The following STK3 variants were observed in gnomAD, a reference collection of about 807,000 sequenced individuals.
STK3 encodes serine/threonine kinase 3.
Under a neutral mutation model 58.0 loss-of-function variants are expected in STK3, and 41 were observed. The observed-to-expected ratio is 0.71, with a 90% CI of 0.55 to 0.92. The LOEUF is 0.92. STK3 is among the 40% of genes least tolerant of loss of function. The pLI, the probability that STK3 is intolerant of heterozygous loss-of-function variation, is 0.00. For synonymous variants in STK3, 170 were observed against 191.0 expected (o/e 0.89, Z 0.91); for missense variants, 479 against 602.7 (o/e 0.79, Z 2.15).
intron 1 of STK3, chr8:98,905,397 T>C (rs745584467): frequency 8.0e-5 from 100 of 1,255,598 alleles, no homozygotes; most frequent in Non-Finnish European, 1.1e-4. Flanking sequence ...TTGAAGCTCT[T>C]GGTTGGTACA....
chr8:98,417,349 C>T (rs548678449), intron 3 of STK3, among the ~76,000 whole-genome samples: 1 of 152,110 alleles, frequency 6.6e-6, no homozygotes, highest in East Asian at 1.9e-4. Flanking sequence ...CCCATCTCTA[C>T]TAAAAATACA....
chr8:98,793,330 T>TA lies in STK3; in HGVS notation c.27-18512dup, dbSNP rs199908259. Among the ~76,000 whole-genome samples the TA allele has an allele frequency of 1.0e-2, 1,511 of 151,434 alleles. 14 individuals are homozygous for TA. The highest frequency in any genetic ancestry group is 0.024 in the South Asian group (117 of 4,802). On this transcript the variant is annotated intron_variant, in intron 1 of 10. Transcript: ENST00000419617. ...CTGTTCCCCAATAACTTATGGAAATTAAAAAAAAATTTTAATAAAAAAATG... is the reference window on the plus strand; with the variant it reads ...CTGTTCCCCAATAACTTATGGAAATTAAAAAAAAAATTTTAATAAAAAAATG...
intron 6 of STK3, among the ~76,000 whole-genome samples, chr8:98,623,312 A>C (rs924921490): frequency 1.1e-4 from 16 of 152,328 alleles, no homozygotes; most frequent in Admixed American, 7.2e-4. Flanking sequence ...CTGTCCCCCC[A>C]CCACCACCAC....
Position 98,469,047 on chromosome 8 carries a change from T to C in STK3, c.1318-13047A>G, listed in dbSNP as rs1820703750. On this transcript the variant is annotated intron_variant, in intron 10 of 10. Coordinates refer to ENST00000419617, the MANE Select transcript of STK3 (RefSeq NM_006281.4). ...TCGCTTGAACCTGGGAGGCGGGGGT[T>C]GCAGTGAGCTAGGATCGTGCCACTG... Among the ~76,000 whole-genome samples, 3 of 151,862 alleles carry C rather than the reference T, an allele frequency of 2.0e-5. No homozygotes were observed. In the South Asian group the frequency reaches 6.2e-4, roughly 32 times the overall value.
downstream of STK3, among the ~76,000 whole-genome samples, chr8:98,451,895 AAAAC>A (rs1249006998): frequency 8.1e-6 from 1 of 123,128 alleles, no homozygotes; most frequent in African/African-American, 2.8e-5. Flanking sequence ...CAAAAAAAAA[AAAAC>A]AAAAAAAAAA....
At chr8:98,578,686 C>T (rs575263949) in intron 8 of STK3, among the ~76,000 whole-genome samples, 76 of 152,248 alleles carry the variant, frequency 5.0e-4, no homozygotes, top group African/African-American at 1.8e-3. Context: ...TATGGGAGAA[C>T]ATACTGTTAC....
intron 10 of STK3, among the ~76,000 whole-genome samples, chr8:98,498,431 T>C (rs182142475): frequency 4.7e-4 from 72 of 152,262 alleles, no homozygotes; most frequent in African/African-American, 1.6e-3. Flanking sequence ...GGAGAATGGG[T>C]GAACACTCCC....
intron 7 of STK3, among the ~76,000 whole-genome samples, chr8:98,587,021 A>T (rs1328867115): frequency 6.6e-6 from 1 of 151,316 alleles, no homozygotes; most frequent in African/African-American, 2.4e-5. Flanking sequence ...GCGGTCTATC[A>T]ATTTTGTTGA....
At chr8:98,625,148 G>A (rs1291553961) in intron 6 of STK3, among the ~76,000 whole-genome samples, 2 of 152,058 alleles carry the variant, frequency 1.3e-5, no homozygotes, top group Admixed American at 6.6e-5. Flanking sequence ...CAGCTAAATG[G>A]TCGTGGCCTT....
chr8:98,381,430 T>C (rs190922566), intron 1 of STK3, among the ~76,000 whole-genome samples: 7 of 152,340 alleles, frequency 4.6e-5, no homozygotes, highest in South Asian at 4.1e-4. Context: ...TCTGGATCAA[T>C]TTCCTTTTCC....
At chr8:98,348,437 A>G in the STK3 span, among the ~76,000 whole-genome samples, 42 of 152,360 alleles carry the variant, frequency 2.8e-4, no homozygotes, top group Non-Finnish European at 8.8e-5. Context: ...CTAAAATTAA[A>G]GACTTCTGCT....
chr8:98,430,387 T>G (rs1328004504), intron 3 of STK3: 1 of 167,132 alleles, frequency 6.0e-6, no homozygotes, highest in African/African-American at 2.4e-5. Context: ...AAGGTCGTGT[T>G]GTCTTCCTCA....
At chr8:98,508,641 A>T (rs755409206) in intron 10 of STK3, among the ~76,000 whole-genome samples, 9 of 152,196 alleles carry the variant, frequency 5.9e-5, no homozygotes, top group Non-Finnish European at 1.3e-4. Context: ...TGTGTGAATT[A>T]TATCTCAATA....
chr8:98,678,670 A>C (rs774452843), intron 6 of STK3, among the ~76,000 whole-genome samples: 18 of 152,184 alleles, frequency 1.2e-4, no homozygotes, highest in Non-Finnish European at 1.5e-5. Context: ...AAGTTATAAA[A>C]CAATGTAATC....
chr8:98,391,398 C>T (rs1205355260), upstream of STK3: 1 of 152,266 alleles, frequency 6.6e-6, no homozygotes. Flanking sequence ...CAGATCCACA[C>T]ATGTGCAGCT....
At chr8:98,374,085 T>C (rs1477348128) in intron 2 of STK3, among the ~76,000 whole-genome samples, 2 of 152,206 alleles carry the variant, frequency 1.3e-5, no homozygotes, top group Non-Finnish European at 2.9e-5. Flanking sequence ...TTGTCGAGGC[T>C]TGATCAAGAG....
intron 6 of STK3, chr8:98,606,293 A>T (rs928376890): frequency 2.0e-5 from 3 of 152,194 alleles, no homozygotes; most frequent in African/African-American, 4.8e-5. Flanking sequence ...CCAGAACTCA[A>T]AAAAAAGGGG....
At chr8:98,626,861 G>C (rs765038627) in intron 6 of STK3, among the ~76,000 whole-genome samples, 5 of 152,158 alleles carry the variant, frequency 3.3e-5, no homozygotes, top group Non-Finnish European at 7.4e-5. Flanking sequence ...AGAAACTGCA[G>C]AATTTTGGTA....
At chr8:98,888,801 G>A (rs1047847486) in intron 1 of STK3, among the ~76,000 whole-genome samples, 4 of 152,224 alleles carry the variant, frequency 2.6e-5, no homozygotes, top group Admixed American at 1.3e-4. Context: ...TAGCACACCA[G>A]TCACCATTTC....
Sources: allele counts gnomAD v4.1 joint callset (sites outside exome capture counted in the v4.1 genomes callset), GRCh38; gene constraint gnomAD v4.1.1; transcripts MANE v1.5; gene names NCBI Gene and HGNC (gene_info 2026-07-23, HGNC 2026-07-21).